Variants in NDUFA10 observed in about 807,000 individuals in gnomAD.
NDUFA10 encodes NADH:ubiquinone oxidoreductase subunit A10, also known as NADH dehydrogenase [ubiquinone] 1 alpha subcomplex subunit 10, mitochondrial.
A neutral mutation model predicts 47.8 loss-of-function variants in NDUFA10; 40 were observed. That is an observed-to-expected ratio of 0.84 (90% CI 0.65 to 1.09). The LOEUF (loss-of-function observed/expected upper bound fraction) is 1.09, where lower values mean the gene tolerates loss of function less well. Ranked by LOEUF, NDUFA10 falls within the 50% of genes least tolerant of loss-of-function variation. The pLI is 0.00. For missense variants in NDUFA10, 413 were observed against 451.1 expected (o/e 0.92, Z 0.76); for synonymous variants, 183 against 172.2 (o/e 1.06, Z -0.49).
chr2:240,023,650 T>C (rs1006664518), intron 1 of NDUFA10, among the ~76,000 whole-genome samples: 13 of 152,234 alleles, frequency 8.5e-5, no homozygotes, highest in Admixed American at 5.9e-4. Context: ...ATCCATATTA[T>C]GGAATACTAA....
chr2:239,981,367 A>C (rs1326791582), intron 9 of NDUFA10, among the ~76,000 whole-genome samples: 1 of 152,138 alleles, frequency 6.6e-6, no homozygotes, highest in Non-Finnish European at 1.5e-5. Context: ...AAGATCAGAC[A>C]GCGTCCAGAG....
chr2:239,981,409 A>C (rs78021930), intron 9 of NDUFA10, among the ~76,000 whole-genome samples: 1,519 of 107,542 alleles, frequency 0.014, 19 homozygotes, highest in Non-Finnish European at 0.015. Context: ...TAAAATAACT[A>C]GGTTTAAAAT....
At chr2:239,909,485 T>C (rs1171837591) in intron 4 of NDUFA10, among the ~76,000 whole-genome samples, 1 of 152,078 alleles carries the variant, frequency 6.6e-6, no homozygotes, top group Non-Finnish European at 1.5e-5. Flanking sequence ...TGGTGGCATG[T>C]GCCTGTAATC....
At chr2:239,988,861 C>T (rs939379275) in intron 9 of NDUFA10, among the ~76,000 whole-genome samples, 7 of 151,510 alleles carry the variant, frequency 4.6e-5, no homozygotes, top group African/African-American at 1.5e-4. Flanking sequence ...AGACACAGCA[C>T]ACACACTCAC....
chr2:239,926,066 C>T (rs1694060277), intron 4 of NDUFA10, among the ~76,000 whole-genome samples: 1 of 152,160 alleles, frequency 6.6e-6, no homozygotes, highest in South Asian at 2.1e-4. Context: ...GTACCCCACT[C>T]TGGGAAACAT....
chr2:240,015,693 C>A (rs1028528148), intron 4 of NDUFA10, among the ~76,000 whole-genome samples: 2 of 151,536 alleles, frequency 1.3e-5, no homozygotes, highest in South Asian at 2.1e-4. Flanking sequence ...TCTGCACCTG[C>A]ACATGCTCAT....
chr2:240,025,272 C>T lies in NDUFA10; in HGVS notation c.30G>A (p.Ala10=). MALRLLKLA[A]TSASARVVAA... is the part of the protein sequence containing the mutation. ...CCACGACCCGGGCGGACGCGGACGT[C>T]GCTGCCAGCTTCAGGAGCCGCAAGG... The change falls in exon 1 of 10, where the codon GCG becomes GCA. Residue 10 remains alanine, a synonymous_variant. Coordinates refer to ENST00000252711, the MANE Select transcript of NDUFA10 (RefSeq NM_004544.4). The T allele has an allele frequency of 4.0e-6, 6 of 1,503,308 alleles. No individual in the cohort carries two copies. Among genetic ancestry groups the T allele is most frequent in the Non-Finnish European group, 5.3e-6 (6 of 1,130,162 alleles). The allele number at this position is 1,503,308 out of a possible 1,614,324, so 93.1% of individuals were successfully genotyped here.
At chr2:239,900,579 G>GA (rs10566559) in intron 4 of NDUFA10, among the ~76,000 whole-genome samples, 20,031 of 148,140 alleles carry the variant, frequency 0.14, 1,464 homozygotes, top group Middle Eastern at 0.22. Context: ...TCTTCCATAG[G>GA]AAAAAAAAAA....
chr2:239,960,372 A>T lies in NDUFA10; in HGVS notation c.*746T>A. 2 of 985,614 alleles carry T rather than the reference A, an allele frequency of 2.0e-6. No individual in the cohort carries two copies. The highest frequency in any genetic ancestry group is 2.4e-6 in the Non-Finnish European group (2 of 830,058). The allele number at this position is 985,614 out of a possible 1,614,324, so 61.1% of individuals were successfully genotyped here. A position where few individuals can be genotyped will look rare whatever the true frequency, so the allele number is the denominator to read the frequency against. Reference sequence around the variant, plus strand: ...TGACTGGCAACTTGATTTTCTGGGTAATAAAGAGAGTATATTATTTTGCTT... The same window carrying T: ...TGACTGGCAACTTGATTTTCTGGGTTATAAAGAGAGTATATTATTTTGCTT... On this transcript the variant is annotated 3_prime_UTR_variant, in exon 10 of 10. Transcript: ENST00000252711.
At chr2:239,934,325 G>A (rs907387728) in intron 4 of NDUFA10, among the ~76,000 whole-genome samples, 3 of 152,116 alleles carry the variant, frequency 2.0e-5, no homozygotes, top group African/African-American at 7.2e-5. Flanking sequence ...GGGCAGGTGG[G>A]TCTTAACCTT....
intron 3 of NDUFA10, 59 bp downstream of exon 3, chr2:240,021,138 T>C (rs1010069850): frequency 1.3e-5 from 19 of 1,476,318 alleles, no homozygotes; most frequent in East Asian, 2.3e-5. Context: ...TTTAACGTGG[T>C]TGAATTCTAG....
At position 239,959,223 on chromosome 2, in the gene NDUFA10, CG is replaced by C. The variant is rs1559316627; in HGVS notation, c.*1894del. 1.2e-4 allele frequency: 119 copies of C among 984,520 alleles called. No individual in the cohort carries two copies. The highest frequency in any genetic ancestry group is 6.8e-5 in the Non-Finnish European group (56 of 829,592). The allele number at this position is 984,520 out of a possible 1,614,324, so 61.0% of individuals were successfully genotyped here. ...AAACACAGGGGATGATCAGAGCACC[CG>C]AGTCCACACCATGCCGACACGGAGC... is the stretch of plus-strand genomic sequence containing the variant. On this transcript the variant is annotated 3_prime_UTR_variant, in exon 10 of 10. Transcript: ENST00000252711.
rs908127087 is a variant in NDUFA10 at position 239,987,589 on chromosome 2, A to C, written c.999+2485T>G. 7.2e-5 allele frequency among the ~76,000 whole-genome samples: 11 copies of C among 152,216 alleles called. No homozygotes were observed. The highest frequency in any genetic ancestry group is 2.7e-4 in the African/African-American group (11 of 41,446). ...CCCAAACTACCCAAACTAAAAAAAA[A>C]CAAATAGGTAAAAATGATGATCAAA... On this transcript the variant is annotated intron_variant, in intron 9 of 9. Coordinates refer to ENST00000252711, the MANE Select transcript of NDUFA10 (RefSeq NM_004544.4). The surrounding 1 kb of genome is among the most constrained non-coding windows in gnomAD (Gnocchi z 4.8).
chr2:239,923,252 G>A (rs1694017966), intron 4 of NDUFA10, among the ~76,000 whole-genome samples: 3 of 152,190 alleles, frequency 2.0e-5, no homozygotes, highest in Admixed American at 2.0e-4. Context: ...CAATACAACT[G>A]CTAGACACAA....
intron 4 of NDUFA10, among the ~76,000 whole-genome samples, chr2:239,942,499 TTC>T (rs1694375484): frequency 6.6e-6 from 1 of 152,270 alleles, no homozygotes; most frequent in South Asian, 2.1e-4. Context: ...ACTGTTTCGG[TTC>T]TGTTTGCTTC....
intron 9 of NDUFA10, among the ~76,000 whole-genome samples, chr2:239,984,689 T>C (rs2106434311): frequency 1.3e-5 from 2 of 152,244 alleles, no homozygotes. Flanking sequence ...AGAAAAGAAT[T>C]CTACAAAGGC....
chr2:239,921,832 G>C (rs1018983488), intron 4 of NDUFA10, among the ~76,000 whole-genome samples: 3 of 152,076 alleles, frequency 2.0e-5, no homozygotes, highest in African/African-American at 7.2e-5. Context: ...GTGGGGACGG[G>C]ACACTGCTGG....
At chr2:239,938,248 C>T (rs1372034209) in intron 4 of NDUFA10, among the ~76,000 whole-genome samples, 1 of 152,218 alleles carries the variant, frequency 6.6e-6, no homozygotes, top group African/African-American at 2.4e-5. Flanking sequence ...ATGGAATAAA[C>T]CTGTAGCGTG....
intron 4 of NDUFA10, among the ~76,000 whole-genome samples, chr2:239,917,553 G>A (rs1007399150): frequency 6.6e-6 from 1 of 152,192 alleles, no homozygotes; most frequent in Admixed American, 6.5e-5. Context: ...AGCCATGCTA[G>A]GCACGAGAGA....
Sources: gnomAD v4.1 joint callset for allele counts (sites outside exome capture counted in the v4.1 genomes callset) on GRCh38, gnomAD v4.1.1 for gene constraint, Gnocchi (gnomAD v3.1) non-coding constraint, MANE v1.5 for transcripts, NCBI Gene and HGNC (gene_info 2026-07-23, HGNC 2026-07-21) for gene names.